The following COL6A5 variants were observed in gnomAD, a reference collection of about 807,000 sequenced individuals.
COL6A5 encodes collagen alpha-5(VI) chain.
Under a neutral mutation model 65.6 loss-of-function variants are expected in COL6A5, and 48 were observed. The observed-to-expected ratio is 0.73, with a 90% CI of 0.58 to 0.93. The LOEUF (loss-of-function observed/expected upper bound fraction) is 0.93, where lower values mean the gene tolerates loss of function less well. Among genes scored for constraint, COL6A5 ranks in the 40% least tolerant of loss-of-function variants. The pLI is 0.00. For missense variants in COL6A5, 914 were observed against 928.3 expected, an observed-to-expected ratio of 0.98 and a Z score of 0.20; for synonymous variants, 291 against 322.8, an observed-to-expected ratio of 0.90 and a Z score of 1.05.
intron 16 of COL6A5, 43 bp from the exon 17 acceptor site, chr3:130,406,225 A>AT (rs767251687): frequency 5.2e-6 from 8 of 1,548,004 alleles, no homozygotes; most frequent in Admixed American, 2.0e-5. Context: ...GGTTGCTAAA[A>AT]TTTTTTTTAA....
exon 1 of COL6A5, chr3:130,431,709 A>G: frequency 6.4e-7 from 1 of 1,551,612 alleles, no homozygotes; most frequent in Non-Finnish European, 8.7e-7. Flanking sequence ...AGCTTTCCCA[A>G]ATAAAATATC....
At position 130,435,880 on chromosome 3, in the gene COL6A5, A is replaced by AGC. The variant is rs201008876; in HGVS notation, c.488-3642_488-3641insGC. On this transcript the variant is annotated intron_variant, in intron 1 of 7. Transcript: ENST00000512836. ...TAAATATACAATGATGTTGTCTGCAAACAGACAACTTGACTTCCTCTCTTC... is the reference window on the plus strand; with the variant it reads ...TAAATATACAATGATGTTGTCTGCAAGCACAGACAACTTGACTTCCTCTCTTC... Among the ~76,000 whole-genome samples, 40 of 39,040 alleles carry AGC rather than the reference A, an allele frequency of 1.0e-3. 2 individuals are homozygous for AGC. In the Admixed American group the frequency reaches 0.011, roughly 10 times the overall value. 25.6% of individuals were successfully genotyped at this position (39,040 alleles called of 152,430 possible).
At chr3:130,474,842 A>T (rs963824173) in intron 7 of COL6A5, among the ~76,000 whole-genome samples, 10 of 150,294 alleles carry the variant, frequency 6.7e-5, no homozygotes, top group African/African-American at 2.4e-4. Flanking sequence ...ACCCCATCTC[A>T]ACAACAACAA....
exon 8 of COL6A5, chr3:130,395,208 A>C (rs1483520408): frequency 6.4e-7 from 1 of 1,551,568 alleles, no homozygotes; most frequent in African/African-American, 1.4e-5. Context: ...GGGAGAAGAA[A>C]TGCTGGTGTC....
intron 5 of COL6A5, among the ~76,000 whole-genome samples, chr3:130,386,230 C>T (rs968047077): frequency 3.3e-5 from 5 of 151,960 alleles, no homozygotes; most frequent in East Asian, 1.9e-4. Flanking sequence ...TGATTAGCCA[C>T]GACCTTGAAT....
exon 4 of COL6A5, chr3:130,379,462 G>T: frequency 6.4e-7 from 1 of 1,551,072 alleles, no homozygotes. Flanking sequence ...CGCTGACCTC[G>T]TGTTCCTGGT....
At chr3:130,406,012 GACCT>G in exon 15 of COL6A5, 5 of 1,551,444 alleles carry the variant, frequency 3.2e-6, no homozygotes, top group Non-Finnish European at 4.4e-6. Flanking sequence ...GGATTTTCTG[GACCT>G]AAGGTACTGG....
At chr3:130,424,291 C>T (rs926074914) in intron 29 of COL6A5, among the ~76,000 whole-genome samples, 11 of 152,064 alleles carry the variant, frequency 7.2e-5, no homozygotes, top group Non-Finnish European at 8.8e-5. Context: ...TTGTTGCCTT[C>T]CTATCCTCAA....
chr3:130,461,906 G>T (rs1709709264), intron 5 of COL6A5, among the ~76,000 whole-genome samples: 1 of 151,864 alleles, frequency 6.6e-6, no homozygotes, highest in Non-Finnish European at 1.5e-5. Flanking sequence ...TTCTCAGTGT[G>T]CTGGTCCCTT....
chr3:130,368,170 G>T (rs1337327965), intron 1 of COL6A5, among the ~76,000 whole-genome samples: 3 of 152,148 alleles, frequency 2.0e-5, no homozygotes. Context: ...AGGCTCCCTG[G>T]GACTTGTCTG....
intron 25 of COL6A5, 137 bp downstream of exon 25, chr3:130,419,068 TC>T: frequency 1.4e-6 from 1 of 697,622 alleles, no homozygotes; most frequent in Non-Finnish European, 2.5e-6. Flanking sequence ...TGAGAACATT[TC>T]TCCCACCCCC....
In COL6A5 at chr3:130,440,739, A is replaced by G. The variant is rs112737284; in HGVS notation, c.1157A>G (p.Gln386Arg). 37 of 1,613,362 alleles carry G rather than the reference A, an allele frequency of 2.3e-5. No individual in the cohort carries two copies. The highest frequency in any genetic ancestry group is 2.3e-4 in the African/African-American group (17 of 74,984). Reference sequence around the variant, plus strand: ...GAGTTAGCCAGCTACCCACTTGATCAACACCTGATACAGCTTGGGAGAATA... The same window carrying G: ...GAGTTAGCCAGCTACCCACTTGATCGACACCTGATACAGCTTGGGAGAATA... The change falls in exon 3 of 8, where the codon CAA (glutamine) becomes CGA (arginine). Residue 386 changes from glutamine (Q) to arginine (R), a missense_variant. Gln to Arg is a conservative substitution (Grantham distance 43). Transcript: ENST00000512836.
At chr3:130,476,741 A>C in intron 7 of COL6A5, 1 of 455,004 alleles carries the variant, frequency 2.2e-6, no homozygotes, top group Admixed American at 2.7e-5. Flanking sequence ...TGGTAGAATC[A>C]AAAGGATTAT....
intron 6 of COL6A5, 79 bp from the exon 7 acceptor site, chr3:130,391,100 C>A: frequency 1.0e-6 from 1 of 981,606 alleles, no homozygotes; most frequent in Non-Finnish European, 1.5e-6. Flanking sequence ...ATGGCAAATG[C>A]CAGTTCGCTT....
chr3:130,384,403 A>G (rs891299909), intron 4 of COL6A5, among the ~76,000 whole-genome samples: 8 of 152,082 alleles, frequency 5.3e-5, no homozygotes, highest in African/African-American at 1.9e-4. Flanking sequence ...TGCTCTGGGA[A>G]GAAGAGATTA....
exon 5 of COL6A5, chr3:130,385,214 A>C (rs1456649055): frequency 6.4e-7 from 1 of 1,551,120 alleles, no homozygotes. Flanking sequence ...GGCTGAGCAA[A>C]TCACTGTTCA....
chr3:130,480,371 A>G (rs1710205629), intron 7 of COL6A5, among the ~76,000 whole-genome samples: 1 of 152,044 alleles, frequency 6.6e-6, no homozygotes, highest in African/African-American at 2.4e-5. Context: ...ACACTTAAAT[A>G]TATATATTTT....
intron 7 of COL6A5, among the ~76,000 whole-genome samples, chr3:130,475,194 G>A (rs1202991727): frequency 6.6e-6 from 1 of 151,614 alleles, no homozygotes; most frequent in African/African-American, 2.4e-5. Flanking sequence ...TTCCATAAGG[G>A]AAGTAGAAAG....
intron 1 of COL6A5, among the ~76,000 whole-genome samples, chr3:130,372,455 A>G (rs1935603154): frequency 6.6e-6 from 1 of 152,012 alleles, no homozygotes; most frequent in Non-Finnish European, 1.5e-5. Context: ...ATATATATAT[A>G]TATCTATATC....
Sources: allele counts gnomAD v4.1 joint callset (sites outside exome capture counted in the v4.1 genomes callset), GRCh38; gene constraint gnomAD v4.1.1; transcripts MANE v1.5; gene names NCBI Gene and HGNC (gene_info 2026-07-23, HGNC 2026-07-21).